Variants in CPLX1 observed in about 807,000 individuals in gnomAD.
CPLX1 encodes complexin-1.
CPLX1 carries 6 observed loss-of-function variants against 15.6 expected under a neutral mutation model. That is an observed-to-expected ratio of 0.39 (90% CI 0.21 to 0.76). The LOEUF is 0.76. Ranked by LOEUF, CPLX1 falls within the 30% of genes least tolerant of loss-of-function variation. The pLI is 0.43. For synonymous variants in CPLX1, 91 were observed against 75.2 expected, an observed-to-expected ratio of 1.21 and a Z score of -1.08; for missense variants, 242 against 188.6, an observed-to-expected ratio of 1.28 and a Z score of -1.66.
At position 788,808 on chromosome 4, in the gene CPLX1, CAT is replaced by C. The variant is rs906310313; in HGVS notation, c.208-2112_208-2111del. ...TGGGGGTCTGTGCATGTGGCGGCAA[CAT>C]GTGTATCCAGCCCAGGAGGCTGTGC... is the stretch of plus-strand genomic sequence containing the variant. On this transcript the variant is annotated intron_variant, in intron 3 of 3. Transcript: ENST00000304062. Among the ~76,000 whole-genome samples, 57 of 152,350 alleles carry C rather than the reference CAT, an allele frequency of 3.7e-4. 1 individual carries two copies. The highest frequency in any genetic ancestry group is 1.3e-3 in the African/African-American group (53 of 41,574).
At position 797,689 on chromosome 4, in the gene CPLX1, T is replaced by C. The variant is rs975576291; in HGVS notation, c.32-5081A>G. On this transcript the variant is annotated intron_variant, in intron 2 of 3. Transcript: ENST00000304062. ...TGGCTCACGCCTGTAATCCCAGCAC[T>C]TTGGGAGGCCAAGACCGGCGGATCA... is the stretch of plus-strand genomic sequence containing the variant. 1.1e-4 allele frequency among the ~76,000 whole-genome samples: 16 copies of C among 151,258 alleles called. 3 individuals are homozygous for C. The highest frequency in any genetic ancestry group is 2.0e-4 in the East Asian group (1 of 4,964).
At chr4:794,420 C>G (rs899393534) in intron 2 of CPLX1, among the ~76,000 whole-genome samples, 3 of 152,242 alleles carry the variant, frequency 2.0e-5, no homozygotes, top group African/African-American at 7.2e-5. Flanking sequence ...GACTCCTCAA[C>G]AGAAAGCTAA....
intron 2 of CPLX1, among the ~76,000 whole-genome samples, chr4:795,358 C>G (rs1746301168): frequency 2.0e-5 from 3 of 152,330 alleles, no homozygotes; most frequent in South Asian, 4.1e-4. Context: ...CCTCGACACC[C>G]CGCGACCCCG....
chr4:812,220 G>A (rs937863828), intron 2 of CPLX1, among the ~76,000 whole-genome samples: 1 of 151,806 alleles, frequency 6.6e-6, no homozygotes, highest in Non-Finnish European at 1.5e-5. Context: ...GACTACAGGC[G>A]CCCGCCACCA....
intron 2 of CPLX1, among the ~76,000 whole-genome samples, chr4:793,599 T>C (rs908314048): frequency 3.9e-5 from 6 of 152,188 alleles, no homozygotes; most frequent in Non-Finnish European, 7.3e-5. Context: ...GGGAGGTGAC[T>C]TGGCAGAGCG....
intron 2 of CPLX1, chr4:804,981 G>A (rs753247378): frequency 1.7e-5 from 17 of 975,160 alleles, no homozygotes; most frequent in South Asian, 4.7e-5. Flanking sequence ...GGCCGGCTAG[G>A]GCGGGTGCTC....
At position 786,502 on chromosome 4, in the gene CPLX1, T is replaced by C; in HGVS notation, c.404A>G (p.Ter135TrpextTer35). Residue 135 changes from the stop codon to tryptophan (W), a stop_lost, in exon 4 of 4, where the codon TAG becomes TGG. Transcript: ENST00000304062. ...PGPLQDMLKK[*>W] ...GCGGGGCCGCTGTCCCGCGCGCGGC[T>C]ACTTCTTGAGCATGTCCTGCAGCGG... 6.3e-7 allele frequency: 1 copy of C among 1,575,754 alleles called. No individual in the cohort carries two copies. Among genetic ancestry groups the C allele is most frequent in the Non-Finnish European group, 8.6e-7 (1 of 1,159,318 alleles).
intron 2 of CPLX1, among the ~76,000 whole-genome samples, chr4:811,328 T>C (rs933446581): frequency 1.3e-5 from 2 of 152,078 alleles, no homozygotes; most frequent in African/African-American, 4.8e-5. Flanking sequence ...TTATTTTTCA[T>C]AGAGATGGGA....
At chr4:791,068 G>A (rs1017575299) in intron 3 of CPLX1, among the ~76,000 whole-genome samples, 4 of 151,446 alleles carry the variant, frequency 2.6e-5, no homozygotes, top group African/African-American at 4.9e-5. Context: ...CCCGTCTCCC[G>A]CTCCTGATAC....
intron 2 of CPLX1, among the ~76,000 whole-genome samples, chr4:818,835 C>T (rs532126017): frequency 6.6e-6 from 1 of 152,360 alleles, no homozygotes; most frequent in South Asian, 2.1e-4. Context: ...CAGGCAAGGA[C>T]AGCAGTGCCC....
intron 1 of CPLX1, among the ~76,000 whole-genome samples, chr4:825,520 G>T (rs1324977930): frequency 1.3e-5 from 2 of 151,858 alleles, no homozygotes; most frequent in South Asian, 2.1e-4. Context: ...CCGCAGACCC[G>T]CAGGGCTCCG....
At chr4:797,846 T>C (rs1259754723) in intron 2 of CPLX1, among the ~76,000 whole-genome samples, 2 of 151,876 alleles carry the variant, frequency 1.3e-5, no homozygotes, top group Non-Finnish European at 2.9e-5. Context: ...GGCAGAATGG[T>C]GTGAACCCGG....
At chr4:796,387 G>C (rs915835133) in intron 2 of CPLX1, among the ~76,000 whole-genome samples, 1 of 152,150 alleles carries the variant, frequency 6.6e-6, no homozygotes, top group Non-Finnish European at 1.5e-5. Flanking sequence ...CCGGGTTCAC[G>C]CAATTCCCTT....
chr4:794,417 C>G (rs1451080138), intron 2 of CPLX1, among the ~76,000 whole-genome samples: 1 of 152,236 alleles, frequency 6.6e-6, no homozygotes, highest in Non-Finnish European at 1.5e-5. Context: ...CTGGACTCCT[C>G]AACAGAAAGC....
chr4:788,436 G>A (rs1746066693), intron 3 of CPLX1: 1 of 985,414 alleles, frequency 1.0e-6, no homozygotes, highest in African/African-American at 1.7e-5. Flanking sequence ...GAGGAGAGAG[G>A]GGCCGTGGGC....
Position 788,896 on chromosome 4 carries a change from G to A in CPLX1, c.208-2198C>T, listed in dbSNP as rs183875156. On this transcript the variant is annotated intron_variant, in intron 3 of 3. Coordinates refer to ENST00000304062, the MANE Select transcript of CPLX1 (RefSeq NM_006651.4). ...CTCAGAGGAGCATGCCTGTAACGGC[G>A]GAACATGAGTTGTGTGAGCAAAGGA... Among the ~76,000 whole-genome samples the A allele has an allele frequency of 2.6e-5, 4 of 152,334 alleles. No individual in the cohort carries two copies. In the South Asian group the frequency reaches 6.2e-4, roughly 24 times the overall value.
intron 2 of CPLX1, among the ~76,000 whole-genome samples, chr4:795,355 A>C (rs1464846107): frequency 6.6e-6 from 1 of 151,762 alleles, no homozygotes; most frequent in Non-Finnish European, 1.5e-5. Flanking sequence ...CGACCTCGAC[A>C]CCCCGCGACC....
At chr4:787,665 G>C in intron 3 of CPLX1, 1 of 983,926 alleles carries the variant, frequency 1.0e-6, no homozygotes, top group South Asian at 4.7e-5. Context: ...CCCTCCCCCA[G>C]AGCCTCCAGA....
chr4:800,839 G>A (rs868679371), intron 2 of CPLX1, among the ~76,000 whole-genome samples: 15 of 147,356 alleles, frequency 1.0e-4, no homozygotes, highest in Admixed American at 1.4e-4. Flanking sequence ...GTGTGTGTGT[G>A]TATATATATG....
Sources: gnomAD v4.1 joint callset for allele counts (sites outside exome capture counted in the v4.1 genomes callset) on GRCh38, gnomAD v4.1.1 for gene constraint, MANE v1.5 for transcripts, NCBI Gene and HGNC (gene_info 2026-07-23, HGNC 2026-07-21) for gene names.